The following NRXN1 variants were observed in gnomAD, a reference collection of about 807,000 sequenced individuals.
The protein encoded by NRXN1 is neurexin 1.
Under a neutral mutation model 150.9 loss-of-function variants are expected in NRXN1, and 39 were observed. The ratio of observed to expected loss-of-function variants is 0.26; its 90% CI spans 0.20 to 0.34. The LOEUF is 0.34. Among genes scored for constraint, NRXN1 ranks in the 10% least tolerant of loss-of-function variants. The pLI is 1.00. For missense variants in NRXN1, 1,815 were observed against 1,949.9 expected (o/e 0.93, Z 1.30); for synonymous variants, 924 against 757.0 (o/e 1.22, Z -3.62).
chr2:50,681,909 C>T (rs1690465186), intron 5 of NRXN1, among the ~76,000 whole-genome samples: 1 of 152,110 alleles, frequency 6.6e-6, no homozygotes, highest in Non-Finnish European at 1.5e-5. Context: ...GTTCTATGAT[C>T]TTTGGCATGG....
chr2:50,359,354 A>T (rs1019423704), intron 17 of NRXN1, among the ~76,000 whole-genome samples: 2 of 151,578 alleles, frequency 1.3e-5, no homozygotes, highest in African/African-American at 4.9e-5. Context: ...GAAGCTAAGA[A>T]CCTTGAAAAA....
At chr2:50,270,360 G>A (rs1214864597) in intron 17 of NRXN1, among the ~76,000 whole-genome samples, 1 of 152,090 alleles carries the variant, frequency 6.6e-6, no homozygotes, top group Non-Finnish European at 1.5e-5. Flanking sequence ...GCTAGACTGA[G>A]AAACACTAAG....
chr2:50,882,412 T>C (rs1679582477), intron 5 of NRXN1, among the ~76,000 whole-genome samples: 1 of 151,894 alleles, frequency 6.6e-6, no homozygotes. Context: ...AAAATATTGC[T>C]TTCAGTATTT....
intron 12 of NRXN1, among the ~76,000 whole-genome samples, chr2:50,520,738 T>C (rs1433827749): frequency 1.3e-5 from 2 of 152,014 alleles, no homozygotes; most frequent in African/African-American, 4.8e-5. Flanking sequence ...AAACAGAATT[T>C]ATTTTATGGG....
At chr2:50,086,090 G>A (rs1698739676) in intron 19 of NRXN1, among the ~76,000 whole-genome samples, 2 of 152,090 alleles carry the variant, frequency 1.3e-5, no homozygotes, top group South Asian at 4.1e-4. Context: ...GAACGTTGAA[G>A]TTCCTTCCCT....
chr2:50,059,127 T>C (rs1694092745), intron 19 of NRXN1, among the ~76,000 whole-genome samples: 1 of 152,156 alleles, frequency 6.6e-6, no homozygotes, highest in Admixed American at 6.5e-5. Flanking sequence ...ATTTGGAGCT[T>C]CCTAGAGACT....
chr2:50,183,533 A>T (rs192598683), intron 18 of NRXN1, among the ~76,000 whole-genome samples: 66 of 151,934 alleles, frequency 4.3e-4, no homozygotes, highest in East Asian at 1.5e-3. Context: ...TTGTAAAAAA[A>T]ATATATATTT....
At chr2:50,910,809 G>A (rs911759366) in intron 5 of NRXN1, among the ~76,000 whole-genome samples, 5 of 151,712 alleles carry the variant, frequency 3.3e-5, no homozygotes, top group Admixed American at 6.6e-5. Flanking sequence ...GCTAATCTTT[G>A]ACCAAAAAAG....
chr2:50,877,853 G>A (rs553305196), intron 5 of NRXN1, among the ~76,000 whole-genome samples: 6 of 152,022 alleles, frequency 3.9e-5, no homozygotes, highest in East Asian at 2.0e-4. Context: ...ACACAAAAAC[G>A]TTAGAGAATT....
intron 5 of NRXN1, among the ~76,000 whole-genome samples, chr2:50,740,837 G>T (rs1256249446): frequency 6.6e-6 from 1 of 152,170 alleles, no homozygotes; most frequent in Non-Finnish European, 1.5e-5. Context: ...TGATTACTAA[G>T]AACAGTGACT....
intron 5 of NRXN1, among the ~76,000 whole-genome samples, chr2:50,653,168 T>C (rs1685891766): frequency 6.6e-6 from 1 of 152,076 alleles, no homozygotes; most frequent in Non-Finnish European, 1.5e-5. Flanking sequence ...TGATACCATA[T>C]GTTAAAAGAA....
intron 5 of NRXN1, among the ~76,000 whole-genome samples, chr2:50,639,223 T>TC (rs71245623): frequency 9.1e-6 from 1 of 110,350 alleles, no homozygotes; most frequent in East Asian, 2.5e-4. Flanking sequence ...TCTTTCTTTC[T>TC]TTTTTTTTTT....
In NRXN1 at chr2:50,352,778, T is replaced by A. The variant is rs5831114; in HGVS notation, c.3364+112664A>T. Among the ~76,000 whole-genome samples the A allele has an allele frequency of 8.3e-3, 492 of 59,254 alleles. 3 individuals carry two copies. The highest frequency in any genetic ancestry group is 0.017 in the African/African-American group (325 of 19,408). 38.9% of individuals were successfully genotyped at this position (59,254 alleles called of 152,430 possible). ...GATAATAATAATAATAATAATAATA[T>A]TATAATAATAATAATAATAATAATA... is the stretch of plus-strand genomic sequence containing the variant. On this transcript the variant is annotated intron_variant, in intron 17 of 22. Transcript: ENST00000401669.
chr2:50,172,419 G>A (rs1166639881), intron 18 of NRXN1, among the ~76,000 whole-genome samples: 2 of 152,014 alleles, frequency 1.3e-5, no homozygotes. Context: ...GGAATCTAGG[G>A]CAGGGCAAAA....
chr2:50,984,134 A>ATTTT (rs70958636), intron 2 of NRXN1, among the ~76,000 whole-genome samples: 36 of 72,812 alleles, frequency 4.9e-4, no homozygotes, highest in Non-Finnish European at 6.3e-4. Context: ...CGCCAGGCTA[A>ATTTT]TTTTTTTTTT....
chr2:50,174,083 G>C (rs1461725027), intron 18 of NRXN1, among the ~76,000 whole-genome samples: 1 of 152,140 alleles, frequency 6.6e-6, no homozygotes, highest in East Asian at 1.9e-4. Context: ...ATAAAATAGA[G>C]CTTCTCTCTA....
In NRXN1 at chr2:50,098,842, T is replaced by G. The variant is rs1456994667; in HGVS notation, c.3547-7348A>C. On this transcript the variant is annotated intron_variant, in intron 18 of 22. Transcript: ENST00000401669. ...GTTTTTGGTTTTAGTTTTTTTTTTTTTTTTTTTTTTTTTTTTTTTTTTTTT... is the reference window on the plus strand; with the variant it reads ...GTTTTTGGTTTTAGTTTTTTTTTTTGTTTTTTTTTTTTTTTTTTTTTTTTT... Among the ~76,000 whole-genome samples the G allele has an allele frequency of 2.4e-3, 22 of 9,234 alleles. 2 individuals are homozygous for G. Among genetic ancestry groups the G allele is most frequent in the African/African-American group, 8.8e-3 (22 of 2,498 alleles). 6.1% of individuals were successfully genotyped at this position (9,234 alleles called of 152,430 possible). A position where few individuals can be genotyped will look rare whatever the true frequency, so the allele number is the denominator to read the frequency against.
At chr2:50,548,461 T>C (rs79698304) in intron 9 of NRXN1, among the ~76,000 whole-genome samples, 3,606 of 152,296 alleles carry the variant, frequency 0.024, 53 homozygotes, top group East Asian at 0.068. Context: ...TGCTTACAGT[T>C]AAAAAAGTTG....
chr2:50,930,004 G>A (rs556222973), intron 2 of NRXN1, among the ~76,000 whole-genome samples: 3 of 152,186 alleles, frequency 2.0e-5, no homozygotes, highest in African/African-American at 7.2e-5. Context: ...GAAGCATAAA[G>A]GTCCATTATG....
Sources: allele counts gnomAD v4.1 joint callset (sites outside exome capture counted in the v4.1 genomes callset), GRCh38; gene constraint gnomAD v4.1.1; transcripts MANE v1.5; gene names NCBI Gene and HGNC (gene_info 2026-07-23, HGNC 2026-07-21).